Variants in KLHL32 observed in about 807,000 individuals in gnomAD.
The protein encoded by KLHL32 is kelch-like protein 32.
Under a neutral mutation model 64.8 loss-of-function variants are expected in KLHL32, and 35 were observed. The ratio of observed to expected loss-of-function variants is 0.54; its 90% CI spans 0.41 to 0.72. The LOEUF is 0.72. Ranked by LOEUF, KLHL32 falls within the 30% of genes least tolerant of loss-of-function variation. The pLI, the probability that KLHL32 is intolerant of heterozygous loss-of-function variation, is 0.00. For missense variants in KLHL32, 589 were observed against 768.5 expected (o/e 0.77, Z 2.76); for synonymous variants, 259 against 281.0 (o/e 0.92, Z 0.78).
upstream of KLHL32, among the ~76,000 whole-genome samples, chr6:96,920,148 T>C (rs1056106818): frequency 6.6e-6 from 1 of 152,166 alleles, no homozygotes; most frequent in Admixed American, 6.5e-5. Context: ...GGGAAGATCA[T>C]GACTACTCAG....
chr6:97,091,196 G>C (rs551253001), intron 6 of KLHL32, among the ~76,000 whole-genome samples: 1 of 152,184 alleles, frequency 6.6e-6, no homozygotes. Flanking sequence ...GCAATAGAGC[G>C]AGACCCTGTC....
intron 1 of KLHL32, among the ~76,000 whole-genome samples, chr6:96,951,843 A>G (rs1056511853): frequency 4.6e-5 from 7 of 152,118 alleles, no homozygotes; most frequent in African/African-American, 1.7e-4. Flanking sequence ...ACTGCTTTCA[A>G]TTATTTTAGC....
intron 6 of KLHL32, among the ~76,000 whole-genome samples, chr6:97,089,508 GTGGCTTACGCCTGTAATCCCAACAGTT>G (rs1793906456): frequency 6.6e-6 from 1 of 152,162 alleles, no homozygotes; most frequent in Admixed American, 6.5e-5. Context: ...GGTAGGCGCG[GTGGCTTACGCCTGTAATCCCAACAGTT>G]TGGGAGGCTG....
chr6:96,912,514 A>T, the KLHL32 span, among the ~76,000 whole-genome samples: 1 of 151,940 alleles, frequency 6.6e-6, no homozygotes, highest in Non-Finnish European at 1.5e-5. Flanking sequence ...AAAATGGCAA[A>T]CTCCTACTCT....
chr6:97,014,296 A>G (rs965135706), intron 3 of KLHL32, among the ~76,000 whole-genome samples: 2 of 129,238 alleles, frequency 1.5e-5, no homozygotes, highest in African/African-American at 7.5e-5. Flanking sequence ...CTCCGTCTCA[A>G]AAAAAAAAAA....
At chr6:97,076,733 A>G (rs1417754398) in intron 5 of KLHL32, among the ~76,000 whole-genome samples, 1 of 152,212 alleles carries the variant, frequency 6.6e-6, no homozygotes, top group Non-Finnish European at 1.5e-5. Flanking sequence ...AGTAGCACAC[A>G]GTTCTGAAAA....
At chr6:97,014,786 A>G (rs1319411154) in intron 3 of KLHL32, among the ~76,000 whole-genome samples, 2 of 152,224 alleles carry the variant, frequency 1.3e-5, no homozygotes, top group African/African-American at 4.8e-5. Context: ...TGGACTTCAA[A>G]GGTCAAATTC....
intron 10 of KLHL32, among the ~76,000 whole-genome samples, 161 bp from the exon 11 acceptor site, chr6:97,138,960 T>C (rs1800376539): frequency 2.0e-5 from 3 of 152,216 alleles, no homozygotes; most frequent in African/African-American, 7.2e-5. Context: ...AGTAGGAGCT[T>C]AATAAATATT....
chr6:96,936,603 C>A (rs1770631838), intron 1 of KLHL32, among the ~76,000 whole-genome samples: 1 of 152,208 alleles, frequency 6.6e-6, no homozygotes, highest in African/African-American at 2.4e-5. Context: ...CATTCTTGTC[C>A]CAGTCAACAT....
chr6:97,112,312 T>C (rs758334829), intron 6 of KLHL32, among the ~76,000 whole-genome samples: 10 of 152,216 alleles, frequency 6.6e-5, no homozygotes, highest in Non-Finnish European at 1.3e-4. Context: ...ATAATTCATA[T>C]CAAATATGTT....
chr6:97,122,583 G>A (rs1012602150), intron 7 of KLHL32, among the ~76,000 whole-genome samples: 4 of 152,156 alleles, frequency 2.6e-5, no homozygotes, highest in Admixed American at 1.3e-4. Context: ...CTTAATGGCA[G>A]GTTGTTCTTT....
At chr6:97,004,376 C>A (rs1779408578) in intron 3 of KLHL32, among the ~76,000 whole-genome samples, 1 of 152,132 alleles carries the variant, frequency 6.6e-6, no homozygotes, top group African/African-American at 2.4e-5. Flanking sequence ...AACTTTTGGG[C>A]AGAGGCTATG....
At chr6:97,132,615 G>T (rs952085345) in intron 9 of KLHL32, 38 bp from the exon 10 acceptor site, 8 of 1,461,142 alleles carry the variant, frequency 5.5e-6, no homozygotes, top group South Asian at 1.2e-5. Context: ...TGTAAGAAAT[G>T]GATTTTTTTT....
chr6:96,987,527 CTG>C (rs1777263856), intron 3 of KLHL32, among the ~76,000 whole-genome samples: 1 of 152,160 alleles, frequency 6.6e-6, no homozygotes, highest in African/African-American at 2.4e-5. Flanking sequence ...GCCATACTGC[CTG>C]AAGTAATTTA....
chr6:96,966,657 T>C (rs996423541), intron 1 of KLHL32, among the ~76,000 whole-genome samples: 2 of 152,228 alleles, frequency 1.3e-5, no homozygotes, highest in African/African-American at 2.4e-5. Flanking sequence ...GTATTTGTGG[T>C]TTAGATCATT....
At chr6:96,924,092 G>C (rs1768861493), upstream of KLHL32, among the ~76,000 whole-genome samples, 1 of 152,202 alleles carries the variant, frequency 6.6e-6, no homozygotes, top group Non-Finnish European at 1.5e-5. Context: ...CTGGCGGGTT[G>C]GTTCCCCTGA....
rs148475474 is a variant in KLHL32 at position 96,997,213 on chromosome 6, C to T, written c.204+21036C>T. On this transcript the variant is annotated intron_variant, in intron 3 of 10. Coordinates refer to ENST00000369261, the MANE Select transcript of KLHL32 (RefSeq NM_052904.4). ...CTATGTGTATGAAGATGTCTGTCCT[C>T]CTTGAGGCTGGAGCCAGTGTCTTTT... Among the ~76,000 whole-genome samples the T allele has an allele frequency of 1.3e-3, 203 of 152,210 alleles. 1 individual carries two copies. The highest frequency in any genetic ancestry group is 4.7e-3 in the African/African-American group (194 of 41,544).
chr6:96,915,046 C>G, the KLHL32 span: 1 of 152,154 alleles, frequency 6.6e-6, no homozygotes, highest in Admixed American at 6.5e-5. Flanking sequence ...AGAAGGTCAA[C>G]CCTCCTAAAA....
chr6:97,119,414 T>C (rs913737348), intron 7 of KLHL32, among the ~76,000 whole-genome samples: 1 of 152,070 alleles, frequency 6.6e-6, no homozygotes, highest in African/African-American at 2.4e-5. Flanking sequence ...ACAAGAGAGA[T>C]GGATAAGAGT....
Sources: gnomAD v4.1 joint callset for allele counts (sites outside exome capture counted in the v4.1 genomes callset) on GRCh38, gnomAD v4.1.1 for gene constraint, MANE v1.5 for transcripts, NCBI Gene and HGNC (gene_info 2026-07-23, HGNC 2026-07-21) for gene names.